The following GABBR2 variants were observed in gnomAD, a reference collection of about 807,000 sequenced individuals.
GABBR2 encodes the protein gamma-aminobutyric acid type B receptor subunit 2, also known as G-protein coupled receptor 51.
GABBR2 carries 23 observed loss-of-function variants against 105.6 expected under a neutral mutation model. That is an observed-to-expected ratio of 0.22 (90% CI 0.16 to 0.31). The LOEUF is 0.31. Ranked by LOEUF, GABBR2 falls within the 10% of genes least tolerant of loss-of-function variation. The pLI is 1.00. For synonymous variants in GABBR2, 478 were observed against 499.7 expected, an observed-to-expected ratio of 0.96 and a Z score of 0.58; for missense variants, 734 against 1,245.5, an observed-to-expected ratio of 0.59 and a Z score of 6.18.
At chr9:98,496,179 A>G (rs752350207) in intron 4 of GABBR2, 1 of 555,518 alleles carries the variant, frequency 1.8e-6, no homozygotes, top group Non-Finnish European at 3.2e-6. Context: ...TAAAACCATC[A>G]GGAAAGTGCT....
rs530464355 is a variant in GABBR2 at position 98,384,389 on chromosome 9, G to A, written c.1662+1251C>T. On this transcript the variant is annotated intron_variant, in intron 11 of 18. Coordinates refer to ENST00000259455, the MANE Select transcript of GABBR2 (RefSeq NM_005458.8). ...GCAGATCACCTGAGGTCGGGAGTTC[G>A]AGACCATCCTGACCAACATGGAGAA... Among the ~76,000 whole-genome samples, 9 of 152,158 alleles carry A rather than the reference G, an allele frequency of 5.9e-5. No individual in the cohort carries two copies. The South Asian group carries it at 8.3e-4, about 14-fold the overall frequency.
At chr9:98,637,155 A>G (rs181533671) in intron 1 of GABBR2, among the ~76,000 whole-genome samples, 1 of 152,306 alleles carries the variant, frequency 6.6e-6, no homozygotes, top group Admixed American at 6.5e-5. Flanking sequence ...CCAGGTTCCC[A>G]GCCTCTGCAG....
intron 1 of GABBR2, among the ~76,000 whole-genome samples, chr9:98,650,071 C>A (rs973379777): frequency 6.6e-6 from 1 of 152,190 alleles, no homozygotes; most frequent in Non-Finnish European, 1.5e-5. Flanking sequence ...CATTTGGAAA[C>A]TTATCAGGTG....
intron 1 of GABBR2, among the ~76,000 whole-genome samples, chr9:98,616,755 A>AC (rs1829592232): frequency 6.6e-6 from 1 of 151,622 alleles, no homozygotes; most frequent in Non-Finnish European, 1.5e-5. Flanking sequence ...CCGTCTCAAA[A>AC]AAAAAAAAAG....
At chr9:98,418,254 G>A (rs1221874763) in intron 7 of GABBR2, among the ~76,000 whole-genome samples, 1 of 152,068 alleles carries the variant, frequency 6.6e-6, no homozygotes, top group South Asian at 2.1e-4. Context: ...GAGGTGGGAG[G>A]GAGGCTGGGC....
At chr9:98,650,649 C>T (rs1038643105) in intron 1 of GABBR2, among the ~76,000 whole-genome samples, 5 of 152,152 alleles carry the variant, frequency 3.3e-5, no homozygotes, top group African/African-American at 9.7e-5. Context: ...TTCACAGCAA[C>T]ATTATCCACA....
At chr9:98,389,072 A>G (rs1832132029) in intron 9 of GABBR2, 68 bp from the exon 10 acceptor site, 1 of 1,392,926 alleles carries the variant, frequency 7.2e-7, no homozygotes, top group South Asian at 1.3e-5. Flanking sequence ...CCTTTGCCTT[A>G]GTGTCCCTGA....
At chr9:98,390,501 T>C (rs1445148434) in intron 9 of GABBR2, among the ~76,000 whole-genome samples, 1 of 151,780 alleles carries the variant, frequency 6.6e-6, no homozygotes, top group African/African-American at 2.4e-5. Context: ...CCTGCTGATG[T>C]GGTTAATGTG....
intron 1 of GABBR2, among the ~76,000 whole-genome samples, chr9:98,636,894 A>T (rs1361850729): frequency 6.6e-6 from 1 of 152,066 alleles, no homozygotes; most frequent in Non-Finnish European, 1.5e-5. Context: ...CTCACTCCGA[A>T]TTGCCCATAA....
At chr9:98,366,212 A>G (rs192529258) in intron 12 of GABBR2, among the ~76,000 whole-genome samples, 8 of 152,342 alleles carry the variant, frequency 5.3e-5, no homozygotes. Context: ...ACTGTTCAAC[A>G]GATCCAGCGA....
chr9:98,494,626 T>C (rs188278982), intron 4 of GABBR2, among the ~76,000 whole-genome samples: 84 of 152,102 alleles, frequency 5.5e-4, no homozygotes, highest in African/African-American at 2.0e-3. Context: ...GAGTCTCGAG[T>C]CCACATCTGT....
At position 98,350,177 on chromosome 9, in the gene GABBR2, C is replaced by CAA. The variant is rs35948835; in HGVS notation, c.1893+12536_1893+12537dup. ...TAGTGGTTTATTGATTTTATCTTCT[C>CAA]AAAAAAAAAAACCCCACAAGTTCTC... On this transcript the variant is annotated intron_variant, in intron 13 of 18. Transcript: ENST00000259455. Among the ~76,000 whole-genome samples, 271 of 145,724 alleles carry CAA rather than the reference C, an allele frequency of 1.9e-3. 1 individual carries two copies. Among genetic ancestry groups the CAA allele is most frequent in the South Asian group, 0.018 (84 of 4,614 alleles).
At chr9:98,358,282 T>C (rs1048722573) in intron 13 of GABBR2, among the ~76,000 whole-genome samples, 3 of 152,180 alleles carry the variant, frequency 2.0e-5, no homozygotes, top group Non-Finnish European at 4.4e-5. Flanking sequence ...TCATGTCAAA[T>C]AGTTTTCCAA....
At chr9:98,590,068 A>T (rs1829126211) in intron 1 of GABBR2, among the ~76,000 whole-genome samples, 2 of 152,116 alleles carry the variant, frequency 1.3e-5, no homozygotes, top group African/African-American at 2.4e-5. Flanking sequence ...CCCTTTGCCT[A>T]TCAAAGAGTT....
chr9:98,405,299 G>A (rs145398698), intron 8 of GABBR2, among the ~76,000 whole-genome samples: 1 of 152,224 alleles, frequency 6.6e-6, no homozygotes, highest in East Asian at 1.9e-4. Flanking sequence ...GCATGTCTGT[G>A]GTCCCAGCTA....
intron 3 of GABBR2, among the ~76,000 whole-genome samples, chr9:98,518,760 A>C (rs936320034): frequency 4.6e-5 from 7 of 152,182 alleles, no homozygotes; most frequent in African/African-American, 1.7e-4. Flanking sequence ...GAGAGGATCT[A>C]AACTCTGGAC....
intron 6 of GABBR2, among the ~76,000 whole-genome samples, chr9:98,464,512 G>A (rs1263726968): frequency 4.8e-5 from 7 of 146,814 alleles, no homozygotes; most frequent in Admixed American, 1.4e-4. Context: ...CTGCCCAGCC[G>A]CCCCGTCTGG....
chr9:98,581,990 G>A (rs1829009709), intron 1 of GABBR2, among the ~76,000 whole-genome samples: 1 of 152,154 alleles, frequency 6.6e-6, no homozygotes, highest in African/African-American at 2.4e-5. Flanking sequence ...AACCAGTATT[G>A]GAGCTGGAGA....
intron 2 of GABBR2, among the ~76,000 whole-genome samples, chr9:98,571,268 TCCATGGACTGTGCCCCA>T (rs1828825799): frequency 2.0e-5 from 3 of 152,126 alleles, no homozygotes; most frequent in African/African-American, 4.8e-5. Flanking sequence ...GATGGTGCAC[TCCATGGACTGTGCCCCA>T]CCATGGACTG....
Sources: gnomAD v4.1 joint callset for allele counts (sites outside exome capture counted in the v4.1 genomes callset) on GRCh38, gnomAD v4.1.1 for gene constraint, MANE v1.5 for transcripts, NCBI Gene and HGNC (gene_info 2026-07-23, HGNC 2026-07-21) for gene names.